Variants in RPS6KA3 observed in about 807,000 individuals in gnomAD.
RPS6KA3 encodes the protein ribosomal protein S6 kinase A3.
RPS6KA3 carries 4 observed loss-of-function variants against 67.2 expected under a neutral mutation model. The ratio of observed to expected loss-of-function variants is 0.06; its 90% confidence interval spans 0.03 to 0.14. The LOEUF (loss-of-function observed/expected upper bound fraction) is 0.14. RPS6KA3 is among the 10% of genes least tolerant of loss of function. The probability of loss-of-function intolerance (pLI) is 1.00; values close to 1 mark genes in which losing one functional copy is unlikely to be tolerated. For missense variants in RPS6KA3, 204 were observed against 559.0 expected (o/e 0.36, Z 6.40); for synonymous variants, 182 against 183.7 (o/e 0.99, Z 0.07).
chrX:20,235,040 T>C (rs2069372752), intron 1 of RPS6KA3, among the ~76,000 whole-genome samples: 2 of 112,049 alleles, frequency 1.8e-5, no homozygotes, highest in Admixed American at 9.5e-5. Flanking sequence ...GGAAATCATA[T>C]AATAAATGAT....
intron 4 of RPS6KA3, chrX:20,203,819 T>A (rs1360519022): frequency 5.1e-6 from 2 of 395,160 alleles, no homozygotes; most frequent in Non-Finnish European, 8.9e-6. Flanking sequence ...ATACGTCTTT[T>A]ATAACGTGGC....
In RPS6KA3 at chrX:20,266,865, C is replaced by T; in HGVS notation, c.-233G>A. 4.3e-6 allele frequency: 2 copies of T among 463,051 alleles called. No individual in the cohort carries two copies. The highest frequency in any genetic ancestry group is 5.4e-6 in the Non-Finnish European group (2 of 372,748). 38.2% of individuals were successfully genotyped at this position (463,051 alleles called of 1,213,427 possible). A position where few individuals can be genotyped will look rare whatever the true frequency, so the allele number is the denominator to read the frequency against. Reference sequence around the variant, plus strand: ...TGGCCAGAGACGCCCGCGCGCTGAGCGAGAGCCTCGCGCCTCCGCTGGGCA... The same window carrying T: ...TGGCCAGAGACGCCCGCGCGCTGAGTGAGAGCCTCGCGCCTCCGCTGGGCA... On this transcript the variant is annotated 5_prime_UTR_variant, in exon 1 of 22. Coordinates refer to ENST00000379565, the MANE Select transcript of RPS6KA3 (RefSeq NM_004586.3).
chrX:20,250,105 C>A (rs2069821459), intron 1 of RPS6KA3, among the ~76,000 whole-genome samples: 1 of 112,215 alleles, frequency 8.9e-6, no homozygotes, highest in South Asian at 3.7e-4. Flanking sequence ...TCTTATTCCA[C>A]TGATCTATGT....
chrX:20,240,941 GCTTTT>G (rs897010291), intron 1 of RPS6KA3, among the ~76,000 whole-genome samples: 2 of 110,923 alleles, frequency 1.8e-5, no homozygotes, highest in Non-Finnish European at 3.8e-5. Flanking sequence ...TGGGTCACAG[GCTTTT>G]CTTCTTTGTA....
At chrX:20,259,156 G>C (rs1156759028) in intron 1 of RPS6KA3, among the ~76,000 whole-genome samples, 1 of 111,794 alleles carries the variant, frequency 8.9e-6, no homozygotes, top group East Asian at 2.8e-4. Context: ...ACATTATTTG[G>C]AAACTGTAAC....
At chrX:20,238,457 C>T (rs754858749) in intron 1 of RPS6KA3, among the ~76,000 whole-genome samples, 2 of 110,894 alleles carry the variant, frequency 1.8e-5, no homozygotes, top group East Asian at 5.6e-4. Flanking sequence ...CATCTTTTTC[C>T]AGCTCTCATC....
chrX:20,247,740 T>C (rs1467320655), intron 1 of RPS6KA3, among the ~76,000 whole-genome samples: 3 of 106,761 alleles, frequency 2.8e-5, no homozygotes, highest in African/African-American at 1.0e-4. Context: ...TGAGCCGAGA[T>C]TGCGCCACTG....
chrX:20,208,259 G>A (rs1006810611), intron 3 of RPS6KA3, among the ~76,000 whole-genome samples: 6 of 110,482 alleles, frequency 5.4e-5, no homozygotes, highest in African/African-American at 1.6e-4. Context: ...GTGCTCAAAC[G>A]GCAATGCTCA....
At chrX:20,252,589 G>T (rs1229970966) in intron 1 of RPS6KA3, among the ~76,000 whole-genome samples, 4 of 110,291 alleles carry the variant, frequency 3.6e-5, no homozygotes, top group Admixed American at 1.9e-4. Flanking sequence ...ATGAAAGTAG[G>T]GCACCAACCT....
intron 2 of RPS6KA3, among the ~76,000 whole-genome samples, chrX:20,234,386 A>G (rs1234080809): frequency 1.8e-5 from 2 of 111,678 alleles, no homozygotes; most frequent in Non-Finnish European, 3.8e-5. Flanking sequence ...GAGGCAGGAG[A>G]ATCCTGTGAA....
At chrX:20,183,674 A>C (rs1233601705) in intron 10 of RPS6KA3, among the ~76,000 whole-genome samples, 1 of 112,095 alleles carries the variant, frequency 8.9e-6, no homozygotes, top group African/African-American at 3.2e-5. Flanking sequence ...AATAAGACTT[A>C]ATACCTGGTA....
chrX:20,261,462 A>G (rs2070227591), intron 1 of RPS6KA3, among the ~76,000 whole-genome samples: 1 of 112,328 alleles, frequency 8.9e-6, no homozygotes, highest in South Asian at 3.6e-4. Context: ...TTGGTGTGCC[A>G]AAGTTTATCT....
At chrX:20,182,905 G>A (rs903659317) in intron 10 of RPS6KA3, among the ~76,000 whole-genome samples, 3 of 111,438 alleles carry the variant, frequency 2.7e-5, no homozygotes, top group Non-Finnish European at 5.7e-5. Context: ...TTTTTGTATA[G>A]GGCAGCAGTC....
chrX:20,213,734 GA>G (rs939264347), intron 2 of RPS6KA3, among the ~76,000 whole-genome samples: 11 of 102,065 alleles, frequency 1.1e-4, no homozygotes, highest in African/African-American at 2.1e-4. Flanking sequence ...ATAAAATAAA[GA>G]AAAAAAAAAG....
At chrX:20,181,349 GGAA>G (rs2067838434) in intron 10 of RPS6KA3, among the ~76,000 whole-genome samples, 2 of 110,864 alleles carry the variant, frequency 1.8e-5, no homozygotes, top group South Asian at 7.7e-4. Flanking sequence ...TTAGAGAGGT[GGAA>G]GAAGTAGATC....
intron 20 of RPS6KA3, among the ~76,000 whole-genome samples, chrX:20,160,932 T>G (rs988800178): frequency 9.0e-5 from 10 of 110,878 alleles, no homozygotes; most frequent in Non-Finnish European, 1.7e-4. Flanking sequence ...CCTCTTTATC[T>G]ACTCTGTTTT....
intron 11 of RPS6KA3, among the ~76,000 whole-genome samples, 165 bp from the exon 12 acceptor site, chrX:20,176,663 T>C (rs1294507902): frequency 1.8e-5 from 2 of 110,989 alleles, no homozygotes; most frequent in African/African-American, 6.6e-5. Context: ...GTGATCTCAG[T>C]TCACTGCAGC....
At chrX:20,176,219 T>G in intron 13 of RPS6KA3, 31 bp downstream of exon 13, 2 of 896,841 alleles carry the variant, frequency 2.2e-6, no homozygotes, top group Non-Finnish European at 3.3e-6. Context: ...ATTTGTTGTC[T>G]TATATTTGGA....
chrX:20,192,241 T>C (rs1482822586), intron 7 of RPS6KA3, among the ~76,000 whole-genome samples: 1 of 111,506 alleles, frequency 9.0e-6, no homozygotes, highest in Non-Finnish European at 1.9e-5. Flanking sequence ...AATATCCGAT[T>C]CTTGATGACT....
Sources: allele counts gnomAD v4.1 joint callset (sites outside exome capture counted in the v4.1 genomes callset), GRCh38; gene constraint gnomAD v4.1.1; transcripts MANE v1.5; gene names NCBI Gene and HGNC (gene_info 2026-07-23, HGNC 2026-07-21).